RELL1: variants seen among roughly 807,000 people sequenced by gnomAD.
RELL1 encodes RELT-like protein 1.
In RELL1, 10 loss-of-function variants were observed where a neutral mutation model predicts 23.0. That is an observed-to-expected ratio of 0.43 (90% CI 0.27 to 0.74). RELL1 has a LOEUF of 0.74. Ranked by LOEUF, RELL1 falls within the 30% of genes least tolerant of loss-of-function variation. RELL1 has a pLI of 0.19. For missense variants in RELL1, 315 were observed against 364.4 expected (o/e 0.86, Z 1.10); for synonymous variants, 146 against 146.8 (o/e 0.99, Z 0.04).
intron 1 of RELL1, among the ~76,000 whole-genome samples, chr4:37,678,365 A>G (rs1355233107): frequency 6.6e-6 from 1 of 152,252 alleles, no homozygotes; most frequent in Admixed American, 6.5e-5. Flanking sequence ...GGACAAATAT[A>G]CAGACTATAT....
At chr4:37,645,109 G>C (rs1720666050) in intron 3 of RELL1, among the ~76,000 whole-genome samples, 2 of 152,208 alleles carry the variant, frequency 1.3e-5, no homozygotes, top group South Asian at 4.1e-4. Context: ...CGATACGTGA[G>C]AACTTTAACC....
chr4:37,621,081 T>C (rs897674294), intron 6 of RELL1, among the ~76,000 whole-genome samples: 8 of 152,234 alleles, frequency 5.3e-5, no homozygotes, highest in Non-Finnish European at 1.0e-4. Context: ...CAGTATCCTA[T>C]GTCCTGTTAC....
downstream of RELL1, among the ~76,000 whole-genome samples, chr4:37,587,301 AC>A (rs2109457740): frequency 6.6e-6 from 1 of 152,254 alleles, no homozygotes; most frequent in Non-Finnish European, 1.5e-5. Context: ...ATCTGCAAAT[AC>A]CTTTAATTTG....
downstream of RELL1, among the ~76,000 whole-genome samples, chr4:37,608,633 A>T (rs1343139122): frequency 2.0e-5 from 3 of 149,184 alleles, no homozygotes; most frequent in African/African-American, 7.3e-5. Context: ...GGTTCATAAG[A>T]TTTTTAAATT....
rs1187915611 is a variant in RELL1, at chr4:37,649,520, T to C, written c.89-20A>G. ...CATTGTCTACAGAAAGAAACATGCA[T>C]GCTGCATTAGATATCTGTCCAGGGC... On this transcript the variant is annotated intron_variant, in intron 1 of 6. Transcript: ENST00000454158. 4 of 1,599,592 alleles carry C rather than the reference T, an allele frequency of 2.5e-6. No individual in the cohort carries two copies. Among genetic ancestry groups the C allele is most frequent in the African/African-American group, 1.3e-5 (1 of 74,760 alleles).
At chr4:37,608,138 G>A (rs144240424), downstream of RELL1, among the ~76,000 whole-genome samples, 11 of 152,026 alleles carry the variant, frequency 7.2e-5, no homozygotes, top group African/African-American at 1.2e-4. Flanking sequence ...AGCCGTTCCC[G>A]TCTCTCTCCC....
At position 37,610,644 on chromosome 4, in the gene RELL1, A is replaced by G. The variant is rs1407435064; in HGVS notation, c.*2702T>C. On this transcript the variant is annotated 3_prime_UTR_variant, in exon 7 of 7. Coordinates refer to ENST00000454158, the MANE Select transcript of RELL1 (RefSeq NM_001085400.2). The surrounding 1 kb of genome is among the most constrained non-coding windows in gnomAD (Gnocchi z 4.1). ...CACAAGACAACACACTGCGTTTAAC[A>G]TTTTTATTTTTAACTCCGCTTTGGT... is the stretch of plus-strand genomic sequence containing the variant. 6.6e-6 allele frequency among the ~76,000 whole-genome samples: 1 copy of G among 152,202 alleles called. No homozygotes were observed. The highest frequency in any genetic ancestry group is 6.5e-5 in the Admixed American group (1 of 15,278).
At chr4:37,644,816 C>A (rs1171938494) in intron 3 of RELL1, among the ~76,000 whole-genome samples, 1 of 152,104 alleles carries the variant, frequency 6.6e-6, no homozygotes, top group Admixed American at 6.5e-5. Flanking sequence ...ACTACCCCAG[C>A]TATATACTGT....
At chr4:37,669,073 C>G (rs1466229444) in intron 1 of RELL1, among the ~76,000 whole-genome samples, 2 of 130,284 alleles carry the variant, frequency 1.5e-5, no homozygotes, top group South Asian at 4.9e-4. Flanking sequence ...CAGCCCCCCG[C>G]CTGGCCAGCC....
intron 1 of RELL1, among the ~76,000 whole-genome samples, chr4:37,673,659 C>A (rs1170374214): frequency 6.6e-6 from 1 of 152,082 alleles, no homozygotes; most frequent in South Asian, 2.1e-4. Flanking sequence ...GATGGCTCAC[C>A]CTCTGCCTCC....
Position 37,668,388 on chromosome 4 carries a change from G to A in RELL1, c.88+17812C>T, listed in dbSNP as rs976001112. Among the ~76,000 whole-genome samples, 6 of 152,248 alleles carry A rather than the reference G, an allele frequency of 3.9e-5. No individual in the cohort carries two copies. The East Asian group carries it at 1.2e-3, about 29-fold the overall frequency. ...GCGCCGCCACGCCTGACTGGTTTTC[G>A]TATTTTTTGGGTGGAGACGGGGTTT... On this transcript the variant is annotated intron_variant, in intron 1 of 6. Transcript: ENST00000454158.
downstream of RELL1, chr4:37,588,738 G>A: frequency 1.3e-6 from 1 of 764,928 alleles, no homozygotes; most frequent in South Asian, 1.7e-5. Context: ...GCCAAAATGT[G>A]TGACTCTCTT....
chr4:37,623,220 A>G (rs976549568), intron 6 of RELL1: 73 of 218,432 alleles, frequency 3.3e-4, no homozygotes, highest in African/African-American at 1.6e-3. Flanking sequence ...TGAATGGCTC[A>G]CACACCTGGA....
At position 37,656,572 on chromosome 4, in the gene RELL1, C is replaced by T. The variant is rs552179775; in HGVS notation, c.89-7072G>A. On this transcript the variant is annotated intron_variant, in intron 1 of 6. Transcript: ENST00000454158. ...ATAGTTTGAATATGATCTGTCCCCT[C>T]CAAAACACACGTTGAAATTTGGTCC... Among the ~76,000 whole-genome samples the T allele has an allele frequency of 1.4e-3, 220 of 152,294 alleles. 1 individual carries two copies. Among genetic ancestry groups the T allele is most frequent in the Admixed American group, 6.9e-3 (105 of 15,298 alleles).
intron 2 of RELL1, 52 bp from the exon 3 acceptor site, chr4:37,647,491 A>C: frequency 7.9e-7 from 1 of 1,259,540 alleles, no homozygotes; most frequent in Non-Finnish European, 1.2e-6. Context: ...CACCAGCATC[A>C]AGTCAATCAA....
chr4:37,636,445 A>C (rs1300806909), intron 4 of RELL1, among the ~76,000 whole-genome samples: 2 of 152,020 alleles, frequency 1.3e-5, no homozygotes, highest in Non-Finnish European at 2.9e-5. Flanking sequence ...AATACAAAAA[A>C]TTAGCCGGGG....
intron 1 of RELL1, among the ~76,000 whole-genome samples, chr4:37,668,236 C>G (rs1341515473): frequency 6.7e-6 from 1 of 150,170 alleles, no homozygotes; most frequent in Non-Finnish European, 1.5e-5. Context: ...CTCCCTCTCC[C>G]CTCTTTCCAC....
chr4:37,616,934 C>T (rs979091396), intron 6 of RELL1, among the ~76,000 whole-genome samples: 6 of 152,148 alleles, frequency 3.9e-5, no homozygotes, highest in South Asian at 2.1e-4. Flanking sequence ...TGGCAGATAT[C>T]GATTAATGGA....
chr4:37,598,911 C>T (rs945044758), intron 6 of RELL1, among the ~76,000 whole-genome samples: 1 of 152,100 alleles, frequency 6.6e-6, no homozygotes, highest in Non-Finnish European at 1.5e-5. Context: ...TCTCGAACTC[C>T]TGAGCTCAGG....
Sources: allele counts gnomAD v4.1 joint callset (sites outside exome capture counted in the v4.1 genomes callset), GRCh38; gene constraint gnomAD v4.1.1; non-coding constraint Gnocchi (gnomAD v3.1); transcripts MANE v1.5; gene names NCBI Gene and HGNC (gene_info 2026-07-23, HGNC 2026-07-21).